Variants in SORCS2 observed in about 807,000 individuals in gnomAD.
SORCS2 encodes the protein VPS10 domain-containing receptor SorCS2.
In SORCS2, 100 loss-of-function variants were observed where a neutral mutation model predicts 141.6. The ratio of observed to expected loss-of-function variants is 0.71; its 90% CI spans 0.60 to 0.83. The LOEUF is 0.83. Among genes scored for constraint, SORCS2 ranks in the 40% least tolerant of loss-of-function variants. SORCS2 has a pLI of 0.00. For synonymous variants in SORCS2, 789 were observed against 676.9 expected (o/e 1.17, Z -2.57); for missense variants, 1,646 against 1,560.2 (o/e 1.05, Z -0.93).
intron 4 of SORCS2, among the ~76,000 whole-genome samples, chr4:7,650,855 C>T (rs1342245279): frequency 6.6e-6 from 1 of 151,828 alleles, no homozygotes; most frequent in Non-Finnish European, 1.5e-5. Context: ...CAACAAAACA[C>T]GGTGAGCTCT....
intron 5 of SORCS2, among the ~76,000 whole-genome samples, chr4:7,656,497 G>A (rs560089403): frequency 2.6e-5 from 4 of 152,328 alleles, no homozygotes; most frequent in African/African-American, 7.2e-5. Flanking sequence ...GCTCGGGCAC[G>A]CATTCTAGGT....
Position 7,192,964 on chromosome 4 carries a change from G to T in SORCS2, c.318G>T (p.Glu106Asp), listed in dbSNP as rs1419881726. 29 of 1,369,838 alleles carry T rather than the reference G, an allele frequency of 2.1e-5. No individual in the cohort carries two copies. The highest frequency in any genetic ancestry group is 2.7e-5 in the Non-Finnish European group (29 of 1,070,898). 84.9% of individuals were successfully genotyped at this position (1,369,838 alleles called of 1,614,324 possible). The change falls in exon 1 of 27, where the codon GAG (glutamate) becomes GAT (aspartate). Residue 106 changes from glutamate to aspartate, a missense_variant. Coordinates refer to ENST00000507866, the MANE Select transcript of SORCS2 (RefSeq NM_020777.3). This position sits in a 1 kb window ranked among gnomAD's most constrained non-coding sequence, Gnocchi z 4.0. ...CCGGTCCCGCTCCTGGTCCCGGCGA[G>T]GACGGCGCCCCCGCCGCGGGCTACC... is the stretch of plus-strand genomic sequence containing the variant. Reference protein sequence around the residue: ...PSPGPAPGPGEDGAPAAGYRR... With the variant: ...PSPGPAPGPGDDGAPAAGYRR...
chr4:7,682,444 C>A (rs1723582354), intron 9 of SORCS2, among the ~76,000 whole-genome samples: 1 of 152,172 alleles, frequency 6.6e-6, no homozygotes, highest in Non-Finnish European at 1.5e-5. Context: ...TCCAGAACCC[C>A]ACTTGCCATC....
intron 10 of SORCS2, among the ~76,000 whole-genome samples, chr4:7,687,973 C>T (rs960845246): frequency 6.6e-6 from 1 of 152,212 alleles, no homozygotes; most frequent in Non-Finnish European, 1.5e-5. Flanking sequence ...AATCGTACAA[C>T]ATGTAATACA....
chr4:7,216,858 G>A (rs948571111), intron 1 of SORCS2, among the ~76,000 whole-genome samples: 3 of 152,108 alleles, frequency 2.0e-5, no homozygotes, highest in East Asian at 1.9e-4. Flanking sequence ...CCCTCGAGCC[G>A]CAAAGCCAGT....
At position 7,477,944 on chromosome 4, in the gene SORCS2, G is replaced by A. The variant is rs989430397; in HGVS notation, c.549-53586G>A. 7.9e-5 allele frequency among the ~76,000 whole-genome samples: 12 copies of A among 152,144 alleles called. No individual in the cohort carries two copies. In the East Asian group the frequency reaches 1.4e-3, roughly 17 times the overall value. On this transcript the variant is annotated intron_variant, in intron 2 of 26. Transcript: ENST00000507866. The stretch of plus-strand genomic sequence containing the variant: ...GCACAAAGTCATCGTGTTGGCTATC[G>A]CGCACACCTGCCCTCAGATGTGTGT...
chr4:7,259,872 G>A (rs991310512), intron 1 of SORCS2, among the ~76,000 whole-genome samples: 2 of 152,236 alleles, frequency 1.3e-5, no homozygotes, highest in South Asian at 2.1e-4. Flanking sequence ...TTGCTCATGC[G>A]TGGAGCTGAC....
At chr4:7,416,510 C>A (rs985750896) in intron 2 of SORCS2, among the ~76,000 whole-genome samples, 1 of 151,308 alleles carries the variant, frequency 6.6e-6, no homozygotes, top group Non-Finnish European at 1.5e-5. Context: ...ACGCACGCTT[C>A]CTCCTCCATA....
chr4:7,628,369 A>C (rs1165870798), intron 3 of SORCS2, among the ~76,000 whole-genome samples: 1 of 152,082 alleles, frequency 6.6e-6, no homozygotes, highest in African/African-American at 2.4e-5. Context: ...AATACAAAAA[A>C]TTAGCCTGGC....
chr4:7,633,894 G>A (rs1720063973), intron 3 of SORCS2, among the ~76,000 whole-genome samples: 1 of 87,294 alleles, frequency 1.1e-5, no homozygotes, highest in African/African-American at 3.1e-5. Context: ...CAGTTGCGTC[G>A]TAAGAACGTT....
intron 2 of SORCS2, among the ~76,000 whole-genome samples, chr4:7,418,247 A>G (rs1725822678): frequency 6.6e-6 from 1 of 152,206 alleles, no homozygotes. Context: ...GCGTTCTAGC[A>G]GGGAGGCAGA....
At chr4:7,536,452 TG>T (rs1263822920) in intron 3 of SORCS2, among the ~76,000 whole-genome samples, 1 of 151,876 alleles carries the variant, frequency 6.6e-6, no homozygotes, top group African/African-American at 2.4e-5. Flanking sequence ...AAGTAAGGAG[TG>T]GGGCAAGCCA....
intron 1 of SORCS2, among the ~76,000 whole-genome samples, chr4:7,325,994 C>T (rs1719234705): frequency 6.6e-6 from 1 of 152,036 alleles, no homozygotes; most frequent in South Asian, 2.1e-4. Context: ...GCAGGGAGGG[C>T]TTCTCATGGG....
chr4:7,412,562 C>T (rs1002217741), intron 2 of SORCS2, among the ~76,000 whole-genome samples: 2 of 152,074 alleles, frequency 1.3e-5, no homozygotes. Context: ...GATGGGGAGC[C>T]TGAAATGTCG....
intron 3 of SORCS2, among the ~76,000 whole-genome samples, chr4:7,622,552 A>C (rs1719267045): frequency 6.6e-6 from 1 of 152,148 alleles, no homozygotes; most frequent in South Asian, 2.1e-4. Context: ...CTGGAGTCCC[A>C]GGCAGGGGCT....
Position 7,718,131 on chromosome 4 carries a change from C to A in SORCS2, c.2372C>A (p.Ala791Glu). ...CTGCAGGTCAGCATTCAAGGCGAGG[C>A]GGTGGCCGTGCGGCCTGGAGAGGAC... ...RGLQVSIQGEAVAVRPGEDVL... is the reference protein window; with the variant it reads ...RGLQVSIQGEEVAVRPGEDVL... The change falls in exon 18 of 27, where the codon GCG becomes GAG. Residue 791 changes from alanine to glutamate, a missense_variant. Coordinates refer to ENST00000507866, the MANE Select transcript of SORCS2 (RefSeq NM_020777.3). 6.2e-7 allele frequency: 1 copy of A among 1,611,824 alleles called. No individual in the cohort carries two copies. The highest frequency in any genetic ancestry group is 8.5e-7 in the Non-Finnish European group (1 of 1,179,240).
intron 1 of SORCS2, among the ~76,000 whole-genome samples, chr4:7,378,654 A>G (rs188947867): frequency 6.6e-6 from 1 of 152,154 alleles, no homozygotes; most frequent in Non-Finnish European, 1.5e-5. Context: ...GGTGAGATTT[A>G]GGTGGGGACA....
chr4:7,509,100 T>C lies in SORCS2; in HGVS notation c.549-22430T>C, dbSNP rs140427302. On this transcript the variant is annotated intron_variant, in intron 2 of 26. Transcript: ENST00000507866. ...AGGGCTCAAACAGGAGATCAGTACC[T>C]GCTTCTGTACATAGAACAGAGTCAG... Among the ~76,000 whole-genome samples, 621 of 152,304 alleles carry C rather than the reference T, an allele frequency of 4.1e-3. 7 individuals carry two copies. The highest frequency in any genetic ancestry group is 0.013 in the African/African-American group (543 of 41,576).
Position 7,236,162 on chromosome 4 carries a change from T to C in SORCS2, c.480+43036T>C, listed in dbSNP as rs536695144. On this transcript the variant is annotated intron_variant, in intron 1 of 26. Coordinates refer to ENST00000507866, the MANE Select transcript of SORCS2 (RefSeq NM_020777.3). The stretch of plus-strand genomic sequence containing the variant: ...ACAGAAATGCATTCATGTATGTGAG[T>C]GTGAAAAGGAGAAAATAAATACAGA... Among the ~76,000 whole-genome samples the C allele has an allele frequency of 4.6e-5, 7 of 152,146 alleles. No individual in the cohort carries two copies. In the East Asian group the frequency reaches 1.4e-3, roughly 29 times the overall value.
Sources: gnomAD v4.1 joint callset for allele counts (sites outside exome capture counted in the v4.1 genomes callset) on GRCh38, gnomAD v4.1.1 for gene constraint, Gnocchi (gnomAD v3.1) non-coding constraint, MANE v1.5 for transcripts, NCBI Gene and HGNC (gene_info 2026-07-23, HGNC 2026-07-21) for gene names.